BRWD3: variants seen among roughly 807,000 people sequenced by gnomAD.
BRWD3 encodes the protein bromodomain and WD repeat-containing protein 3.
Under a neutral mutation model 149.7 loss-of-function variants are expected in BRWD3, and 10 were observed. The ratio of observed to expected loss-of-function variants is 0.07; its 90% CI spans 0.04 to 0.11. BRWD3 has a LOEUF of 0.11. Ranked by LOEUF, BRWD3 falls within the 10% of genes least tolerant of loss-of-function variation. BRWD3 has a pLI of 1.00. For missense variants in BRWD3, 940 were observed against 1,373.2 expected (o/e 0.68, Z 4.99); for synonymous variants, 504 against 456.7 (o/e 1.10, Z -1.32).
At chrX:80,780,066 T>A (rs1457866015) in intron 6 of BRWD3, among the ~76,000 whole-genome samples, 4 of 111,726 alleles carry the variant, frequency 3.6e-5, no homozygotes, top group Non-Finnish European at 5.6e-5. Context: ...AATCTTTATT[T>A]TTTTTAAATC....
At chrX:80,732,223 G>T (rs760464054) in intron 12 of BRWD3, among the ~76,000 whole-genome samples, 1 of 111,632 alleles carries the variant, frequency 9.0e-6, no homozygotes, top group Non-Finnish European at 1.9e-5. Context: ...ATCCACTTCC[G>T]GTATACCAAG....
intron 20 of BRWD3, 38 bp downstream of exon 20, chrX:80,716,119 A>G: frequency 9.2e-7 from 1 of 1,082,809 alleles, no homozygotes; most frequent in Non-Finnish European, 1.3e-6. Flanking sequence ...AAATATCTGC[A>G]AATAGTGTAT....
rs1245798325 is a variant in BRWD3, at chrX:80,731,911, A to AC, written c.1127+1544_1127+1545insG. 2.8e-5 allele frequency among the ~76,000 whole-genome samples: 3 copies of AC among 106,918 alleles called. No individual in the cohort carries two copies. The East Asian group carries it at 8.7e-4, about 31-fold the overall frequency. The allele number at this position is 106,918 out of a possible 115,157, so 92.8% of individuals were successfully genotyped here. A position where few individuals can be genotyped will look rare whatever the true frequency, so the allele number is the denominator to read the frequency against. The stretch of plus-strand genomic sequence containing the variant: ...CTCTGTCTCAAAAAAAAAAAAAAAA[A>AC]AAAAAAAAGTCCTTATAGACATACA... On this transcript the variant is annotated intron_variant, in intron 12 of 40. Coordinates refer to ENST00000373275, the MANE Select transcript of BRWD3 (RefSeq NM_153252.5).
rs1255640453 is a variant in BRWD3 at position 80,749,503 on chromosome X, C to T, written c.431-3774G>A. ...CTTATATCTGATATAAAGAAAACTA[C>T]TCCTGTTCTCTTTTGGATTCCATTT... On this transcript the variant is annotated intron_variant, in intron 6 of 40. Coordinates refer to ENST00000373275, the MANE Select transcript of BRWD3 (RefSeq NM_153252.5). Among the ~76,000 whole-genome samples the T allele has an allele frequency of 3.6e-5, 4 of 111,483 alleles. No homozygotes were observed. In the East Asian group the frequency reaches 1.1e-3, roughly 31 times the overall value.
intron 6 of BRWD3, among the ~76,000 whole-genome samples, chrX:80,763,337 TGA>T (rs1422395704): frequency 9.0e-6 from 1 of 111,548 alleles, no homozygotes; most frequent in Non-Finnish European, 1.9e-5. Flanking sequence ...TTTCTTAAAA[TGA>T]GAGAAAAATG....
chrX:80,747,485 A>G lies in BRWD3; in HGVS notation c.431-1756T>C, dbSNP rs761688276. 3.0e-5 allele frequency among the ~76,000 whole-genome samples: 3 copies of G among 99,032 alleles called. No individual in the cohort carries two copies. In the East Asian group the frequency reaches 9.8e-4, roughly 33 times the overall value. 86.0% of individuals were successfully genotyped at this position (99,032 alleles called of 115,157 possible). A position where few individuals can be genotyped will look rare whatever the true frequency, so the allele number is the denominator to read the frequency against. On this transcript the variant is annotated intron_variant, in intron 6 of 40. Coordinates refer to ENST00000373275, the MANE Select transcript of BRWD3 (RefSeq NM_153252.5). The stretch of plus-strand genomic sequence containing the variant: ...ACTGCTTGCAGTATAAAAGCAAAAA[A>G]CATCATTACCAATAGAAGGGGAAAA...
chrX:80,736,092 A>T lies in BRWD3; in HGVS notation c.814-4T>A, dbSNP rs749366665. 1.0e-4 allele frequency: 42 copies of T among 405,146 alleles called. No homozygotes were observed. The East Asian group carries it at 3.9e-3, about 38-fold the overall frequency. The allele number at this position is 405,146 out of a possible 1,213,427, so 33.4% of individuals were successfully genotyped here. ...TGCCTTTAGTTGATGGACAAAACTTAAAAAAAAAAAAATCTGATTCAAATA... is the reference window on the plus strand; with the variant it reads ...TGCCTTTAGTTGATGGACAAAACTTTAAAAAAAAAAAATCTGATTCAAATA... On this transcript the variant is annotated splice_polypyrimidine_tract_variant and splice_region_variant and intron_variant, in intron 8 of 40. Transcript: ENST00000373275.
chrX:80,752,264 T>G (rs1395846638), intron 6 of BRWD3, among the ~76,000 whole-genome samples: 1 of 110,842 alleles, frequency 9.0e-6, no homozygotes, highest in Non-Finnish European at 1.9e-5. Context: ...TCCTTTCACG[T>G]TGGCCTTCCA....
At chrX:80,713,696 A>AT (rs201232963) in intron 20 of BRWD3, among the ~76,000 whole-genome samples, 1,721 of 112,089 alleles carry the variant, frequency 0.015, 19 homozygotes, top group Middle Eastern at 0.051. Context: ...ATAAAAAAAT[A>AT]AAAAATAAAA....
intron 17 of BRWD3, among the ~76,000 whole-genome samples, chrX:80,722,137 C>T (rs752516871): frequency 1.1e-4 from 12 of 112,031 alleles, no homozygotes; most frequent in African/African-American, 1.9e-4. Flanking sequence ...CGTGAGCCAC[C>T]GCGCCTGGCC....
At chrX:80,703,929 T>A (rs1051041338) in intron 23 of BRWD3, among the ~76,000 whole-genome samples, 3 of 111,831 alleles carry the variant, frequency 2.7e-5, no homozygotes, top group African/African-American at 9.7e-5. Flanking sequence ...AAGAAAATAA[T>A]TGTCTACTAA....
intron 20 of BRWD3, among the ~76,000 whole-genome samples, chrX:80,715,505 G>A (rs561145960): frequency 3.4e-4 from 38 of 112,068 alleles, no homozygotes; most frequent in East Asian, 1.4e-3. Flanking sequence ...GTGTACCTGA[G>A]AGTATTCTGC....
chrX:80,799,226 C>T (rs910760237), intron 4 of BRWD3, among the ~76,000 whole-genome samples: 12 of 111,714 alleles, frequency 1.1e-4, no homozygotes, highest in Non-Finnish European at 2.1e-4. Context: ...GGAGATGATA[C>T]TATTCATCAT....
chrX:80,751,351 G>T (rs189698017), intron 6 of BRWD3, among the ~76,000 whole-genome samples: 21 of 111,514 alleles, frequency 1.9e-4, no homozygotes, highest in Non-Finnish European at 3.6e-4. Context: ...ACATGACATT[G>T]TACGCCTTGA....
At chrX:80,788,872 T>C (rs367619082) in intron 6 of BRWD3, among the ~76,000 whole-genome samples, 2 of 112,135 alleles carry the variant, frequency 1.8e-5, no homozygotes, top group African/African-American at 6.5e-5. Context: ...TGATTTAATT[T>C]AGATGACATT....
chrX:80,757,726 C>T (rs1025769708), intron 6 of BRWD3, among the ~76,000 whole-genome samples: 2 of 112,111 alleles, frequency 1.8e-5, no homozygotes, highest in African/African-American at 6.5e-5. Flanking sequence ...GACCGTACTT[C>T]TTAAATATTC....
chrX:80,715,848 T>C (rs1027715134), intron 20 of BRWD3, among the ~76,000 whole-genome samples: 1 of 112,040 alleles, frequency 8.9e-6, no homozygotes, highest in African/African-American at 3.2e-5. Context: ...TCATTTGTTT[T>C]ACATTCTAAT....
At chrX:80,706,169 C>T (rs868345796) in intron 22 of BRWD3, among the ~76,000 whole-genome samples, 1 of 110,159 alleles carries the variant, frequency 9.1e-6, no homozygotes, top group Non-Finnish European at 1.9e-5. Context: ...AGTGCAATGG[C>T]GCAATCTCAG....
At chrX:80,741,477 A>G (rs1602380840) in intron 8 of BRWD3, among the ~76,000 whole-genome samples, 1 of 111,898 alleles carries the variant, frequency 8.9e-6, no homozygotes, top group East Asian at 2.8e-4. Flanking sequence ...TGCATGAGGA[A>G]TGGCCACACT....
Sources: gnomAD v4.1 joint callset for allele counts (sites outside exome capture counted in the v4.1 genomes callset) on GRCh38, gnomAD v4.1.1 for gene constraint, MANE v1.5 for transcripts, NCBI Gene and HGNC (gene_info 2026-07-23, HGNC 2026-07-21) for gene names.